Variants in SCEL observed in about 807,000 individuals in gnomAD.
The protein encoded by SCEL is sciellin.
Under a neutral mutation model 117.6 loss-of-function variants are expected in SCEL, and 113 were observed. The ratio of observed to expected loss-of-function variants is 0.96; its 90% confidence interval spans 0.83 to 1.12. SCEL has a LOEUF of 1.12. Among genes scored for constraint, SCEL ranks in the 50% most tolerant of loss-of-function variants. The pLI is 0.00. For synonymous variants in SCEL, 270 were observed against 256.2 expected (o/e 1.05, Z -0.51); for missense variants, 785 against 810.8 (o/e 0.97, Z 0.39).
At chr13:77,558,580 G>T (rs1367844113) in intron 3 of SCEL, among the ~76,000 whole-genome samples, 1 of 152,172 alleles carries the variant, frequency 6.6e-6, no homozygotes, top group African/African-American at 2.4e-5. Flanking sequence ...TTGGGAGGCC[G>T]AGGCGAGCAA....
At chr13:77,596,389 G>A (rs560740652) in intron 12 of SCEL, among the ~76,000 whole-genome samples, 36 of 152,066 alleles carry the variant, frequency 2.4e-4, no homozygotes, top group African/African-American at 8.4e-4. Flanking sequence ...TAATGACAGG[G>A]CATTATTTAT....
chr13:77,579,287 C>G (rs1403062486), intron 9 of SCEL, among the ~76,000 whole-genome samples: 1 of 152,218 alleles, frequency 6.6e-6, no homozygotes, highest in African/African-American at 2.4e-5. Context: ...GTGTACTCAT[C>G]AACTAAATGG....
At chr13:77,569,944 C>T (rs1297112036) in intron 8 of SCEL, among the ~76,000 whole-genome samples, 2 of 152,164 alleles carry the variant, frequency 1.3e-5, no homozygotes, top group East Asian at 1.9e-4. Flanking sequence ...TCTGCTGGTG[C>T]TGAGTCCTAT....
chr13:77,622,490 G>A (rs1386290062), intron 27 of SCEL, among the ~76,000 whole-genome samples: 1 of 152,088 alleles, frequency 6.6e-6, no homozygotes, highest in Non-Finnish European at 1.5e-5. Context: ...ATTATAACAT[G>A]GATAAATTCT....
chr13:77,610,537 A>T (rs1177856249), intron 22 of SCEL, among the ~76,000 whole-genome samples: 1 of 152,126 alleles, frequency 6.6e-6, no homozygotes, highest in Non-Finnish European at 1.5e-5. Flanking sequence ...CCTGTGTCAG[A>T]AATCTAGTGT....
At chr13:77,548,092 G>T (rs1265984618) in intron 1 of SCEL, among the ~76,000 whole-genome samples, 1 of 152,212 alleles carries the variant, frequency 6.6e-6, no homozygotes, top group Admixed American at 6.5e-5. Flanking sequence ...TTTAGGGTCT[G>T]CTAGGAAGGG....
rs765731250 is a variant in SCEL, at chr13:77,602,641, GT to G, written c.978-7del. ...TGTAACCTAACTGACAAGTTTTGGT[GT>G]TTTTTCCAAAGAAGACAAAATCTCG... On this transcript the variant is annotated splice_polypyrimidine_tract_variant and intron_variant, in intron 16 of 32. Transcript: ENST00000349847. 1 of 1,612,644 alleles carries G rather than the reference GT, an allele frequency of 6.2e-7. No homozygotes were observed. The highest frequency in any genetic ancestry group is 8.5e-7 in the Non-Finnish European group (1 of 1,178,878).
At chr13:77,629,958 G>T (rs1304361826) in intron 28 of SCEL, among the ~76,000 whole-genome samples, 1 of 152,178 alleles carries the variant, frequency 6.6e-6, no homozygotes, top group Non-Finnish European at 1.5e-5. Flanking sequence ...GTCAAGCAAG[G>T]GATGTCAGAG....
chr13:77,633,465 A>AAAAAAAAAAAAAAAAC (rs1199649315), intron 28 of SCEL, among the ~76,000 whole-genome samples: 2 of 143,498 alleles, frequency 1.4e-5, no homozygotes, highest in African/African-American at 2.6e-5. Context: ...AAAAAAAAAA[A>AAAAAAAAAAAAAAAAC]AGAAGCCAGG....
rs1387186125 is a variant in SCEL at position 77,644,886 on chromosome 13, C to T, written c.*612C>T. The stretch of plus-strand genomic sequence containing the variant: ...CTTCCCAAATTCTCTGATTCTAAAG[C>T]AGTTTTTAGAATCATTAGCTCTTTG... On this transcript the variant is annotated 3_prime_UTR_variant, in exon 33 of 33. Coordinates refer to ENST00000349847, the MANE Select transcript of SCEL (RefSeq NM_144777.3). The T allele has an allele frequency of 6.6e-6, 1 of 152,232 alleles. No individual in the cohort carries two copies. Among genetic ancestry groups the T allele is most frequent in the Non-Finnish European group, 1.5e-5 (1 of 68,116 alleles). The allele number at this position is 152,232 out of a possible 1,614,324, so 9.4% of individuals were successfully genotyped here.
At position 77,620,345 on chromosome 13, in the gene SCEL, C is replaced by T. The variant is rs576126888; in HGVS notation, c.1628+2285C>T. 8.5e-5 allele frequency among the ~76,000 whole-genome samples: 13 copies of T among 152,278 alleles called. No homozygotes were observed. The South Asian group carries it at 2.7e-3, about 32-fold the overall frequency. ...ATAAAGGAGAGTATTTTAAAAGTGC[C>T]TCCCAGTAGGAAGAACAGTCACAAG... On this transcript the variant is annotated intron_variant, in intron 27 of 32. Transcript: ENST00000349847.
chr13:77,570,595 G>A (rs2085540141), intron 8 of SCEL, among the ~76,000 whole-genome samples: 1 of 152,162 alleles, frequency 6.6e-6, no homozygotes, highest in African/African-American at 2.4e-5. Context: ...TCAGAGAATA[G>A]ACCTACTTAA....
intron 27 of SCEL, among the ~76,000 whole-genome samples, chr13:77,627,656 A>G: frequency 6.6e-6 from 1 of 152,146 alleles, no homozygotes; most frequent in East Asian, 1.9e-4. Context: ...AAAAAAAGAA[A>G]AATGAGCTGA....
chr13:77,593,295 T>TGTGTGTGCGCAC (rs796907419), intron 11 of SCEL, among the ~76,000 whole-genome samples: 1 of 136,784 alleles, frequency 7.3e-6, no homozygotes, highest in African/African-American at 2.8e-5. Context: ...TGTGTGTGTG[T>TGTGTGTGCGCAC]GTCTGTGTGT....
At chr13:77,598,153 G>T (rs1172031679) in intron 13 of SCEL, among the ~76,000 whole-genome samples, 1 of 152,098 alleles carries the variant, frequency 6.6e-6, no homozygotes, top group Non-Finnish European at 1.5e-5. Context: ...TAGAGATGGG[G>T]TCTCACTATG....
chr13:77,604,301 C>A, intron 18 of SCEL, 55 bp from the exon 19 acceptor site: 1 of 1,092,456 alleles, frequency 9.2e-7, no homozygotes, highest in Non-Finnish European at 1.3e-6. Context: ...CATTATTCAT[C>A]TGATTAGTGC....
chr13:77,634,228 G>C, intron 28 of SCEL, 151 bp from the exon 29 acceptor site: 1 of 677,810 alleles, frequency 1.5e-6, no homozygotes. Context: ...TTGCAGTGCT[G>C]TGTTAATACC....
chr13:77,622,971 C>T (rs1228145087), intron 27 of SCEL, among the ~76,000 whole-genome samples: 1 of 152,148 alleles, frequency 6.6e-6, no homozygotes, highest in African/African-American at 2.4e-5. Flanking sequence ...ATTAATTCCA[C>T]CTGCCCATAA....
chr13:77,553,447 T>A (rs2084464571), intron 1 of SCEL, among the ~76,000 whole-genome samples: 1 of 149,322 alleles, frequency 6.7e-6, no homozygotes. Flanking sequence ...GAAAAAAAAA[T>A]ATATCAGAGC....
Sources: allele counts gnomAD v4.1 joint callset (sites outside exome capture counted in the v4.1 genomes callset), GRCh38; gene constraint gnomAD v4.1.1; transcripts MANE v1.5; gene names NCBI Gene and HGNC (gene_info 2026-07-23, HGNC 2026-07-21).